Variants in PRMT7 observed in about 807,000 individuals in gnomAD.
The protein encoded by PRMT7 is protein arginine methyltransferase 7.
PRMT7 carries 75 observed loss-of-function variants against 85.4 expected under a neutral mutation model. The observed-to-expected ratio is 0.88, with a 90% CI of 0.73 to 1.06. PRMT7 has a LOEUF of 1.06. Among genes scored for constraint, PRMT7 ranks in the 50% least tolerant of loss-of-function variants. The probability of loss-of-function intolerance (pLI) is 0.00; values close to 1 mark genes in which losing one functional copy is unlikely to be tolerated. For missense variants in PRMT7, 868 were observed against 915.2 expected (o/e 0.95, Z 0.67); for synonymous variants, 397 against 359.5 (o/e 1.10, Z -1.18).
intron 6 of PRMT7, among the ~76,000 whole-genome samples, chr16:68,334,887 C>T (rs763754913): frequency 9.2e-5 from 14 of 152,206 alleles, no homozygotes; most frequent in Non-Finnish European, 8.8e-5. Context: ...ACATCTGCCT[C>T]CCGGGTTCAG....
rs2088787493 is a variant in PRMT7, at chr16:68,357,416, A to G, written c.*192A>G. 1 of 616,436 alleles carries G rather than the reference A, an allele frequency of 1.6e-6. No individual in the cohort carries two copies. The highest frequency in any genetic ancestry group is 2.7e-6 in the Non-Finnish European group (1 of 373,804). The allele number at this position is 616,436 out of a possible 1,614,324, so 38.2% of individuals were successfully genotyped here. A position where few individuals can be genotyped will look rare whatever the true frequency, so the allele number is the denominator to read the frequency against. On this transcript the variant is annotated 3_prime_UTR_variant, in exon 19 of 19. Coordinates refer to ENST00000441236, the MANE Select transcript of PRMT7 (RefSeq NM_019023.5). ...TCTGGCTCCAGCTGTGGCAGGAAGC[A>G]TGAGAGGGTGACTGAATTTGGAGCC...
At position 68,347,254 on chromosome 16, in the gene PRMT7, G is replaced by A. The variant is rs1359039382; in HGVS notation, c.1235G>A (p.Ser412Asn). The A allele has an allele frequency of 6.4e-7, 1 of 1,553,782 alleles. No individual in the cohort carries two copies. The highest frequency in any genetic ancestry group is 8.7e-7 in the Non-Finnish European group (1 of 1,147,732). ...DSVCLCVSDGSLLSVLAHHLG... is the reference protein window; with the variant it reads ...DSVCLCVSDGNLLSVLAHHLG... ...GTGTGCCTGTGTGTCAGCGATGGCAGCCTGCTCTCCGTGCTGGCCCATCAC... is the reference window on the plus strand; with the variant it reads ...GTGTGCCTGTGTGTCAGCGATGGCAACCTGCTCTCCGTGCTGGCCCATCAC... The change falls in exon 12 of 19, where the codon AGC becomes AAC. Residue 412 changes from serine to asparagine, a missense_variant. Coordinates refer to ENST00000441236, the MANE Select transcript of PRMT7 (RefSeq NM_019023.5).
chr16:68,333,039 G>A (rs2084129740), intron 6 of PRMT7, among the ~76,000 whole-genome samples: 2 of 152,058 alleles, frequency 1.3e-5, no homozygotes, highest in African/African-American at 4.8e-5. Flanking sequence ...TGTTGCCTAG[G>A]CTGGAGTACA....
chr16:68,347,251 G>A lies in PRMT7; in HGVS notation c.1232G>A (p.Gly411Asp), dbSNP rs1289900238. ...AGCGTGTGCCTGTGTGTCAGCGATG[G>A]CAGCCTGCTCTCCGTGCTGGCCCAT... ...PDSVCLCVSD[G>D]SLLSVLAHHL... Residue 411 changes from glycine to aspartate, a missense_variant, in exon 12 of 19, where the codon GGC becomes GAC. Gly to Asp is a moderately conservative substitution (Grantham distance 94). Coordinates refer to ENST00000441236, the MANE Select transcript of PRMT7 (RefSeq NM_019023.5). 1.3e-6 allele frequency: 2 copies of A among 1,553,556 alleles called. No individual in the cohort carries two copies. Among genetic ancestry groups the A allele is most frequent in the South Asian group, 2.4e-5 (2 of 84,002 alleles).
chr16:68,333,785 A>AT (rs71382042), intron 6 of PRMT7, among the ~76,000 whole-genome samples: 2 of 151,592 alleles, frequency 1.3e-5, no homozygotes, highest in Non-Finnish European at 2.9e-5. Context: ...AAAAAAAAAA[A>AT]TTTTTTTTAG....
chr16:68,333,401 A>G (rs1025894140), intron 6 of PRMT7, among the ~76,000 whole-genome samples: 6 of 151,888 alleles, frequency 4.0e-5, no homozygotes, highest in Non-Finnish European at 5.9e-5. Context: ...GAATTGCTTG[A>G]ACCTGGGAGG....
At chr16:68,358,956 G>A (rs1346836623), downstream of PRMT7, 3 of 152,746 alleles carry the variant, frequency 2.0e-5, no homozygotes, top group East Asian at 5.7e-4. Context: ...CGGGGGCCTG[G>A]GGGCCGCACA....
At chr16:68,326,389 G>GT in intron 5 of PRMT7, among the ~76,000 whole-genome samples, 1 of 152,152 alleles carries the variant, frequency 6.6e-6, no homozygotes. Flanking sequence ...GGGATTACAG[G>GT]TATGTACCAC....
At chr16:68,351,276 T>C (rs541770499) in intron 14 of PRMT7, 2 of 152,406 alleles carry the variant, frequency 1.3e-5, no homozygotes, top group African/African-American at 4.8e-5. Flanking sequence ...CCTGACTGCT[T>C]GGGCCTGCCC....
At chr16:68,335,436 A>G (rs2151666192) in intron 6 of PRMT7, among the ~76,000 whole-genome samples, 1 of 151,862 alleles carries the variant, frequency 6.6e-6, no homozygotes, top group South Asian at 2.1e-4. Context: ...AGTTTTGGAC[A>G]GTGTATTCCA....
At chr16:68,335,727 G>A (rs961768371) in intron 6 of PRMT7, among the ~76,000 whole-genome samples, 22 of 151,796 alleles carry the variant, frequency 1.4e-4, no homozygotes, top group Admixed American at 9.2e-4. Flanking sequence ...CTCCAGCCTC[G>A]AGCTCGAGGT....
chr16:68,337,522 G>C lies in PRMT7; in HGVS notation c.455G>C (p.Gly152Ala). 6.2e-7 allele frequency: 1 copy of C among 1,611,934 alleles called. No homozygotes were observed. Among genetic ancestry groups the C allele is most frequent in the Non-Finnish European group, 8.5e-7 (1 of 1,178,456 alleles). Residue 152 changes from glycine to alanine, a missense_variant, in exon 7 of 19, where the codon GGG becomes GCG. Physicochemically the swap from Gly to Ala is moderately conservative, Grantham distance 60. Transcript: ENST00000441236. ...VTELFDTELI[G>A]EGALPSYEHA... ...GAGTTGTTTGACACAGAGCTGATCG[G>C]GGAGGGGGCGCTGCCCTCCTATGAG...
chr16:68,341,682 A>T (rs565156797), intron 9 of PRMT7, among the ~76,000 whole-genome samples: 1 of 152,254 alleles, frequency 6.6e-6, no homozygotes, highest in Non-Finnish European at 1.5e-5. Flanking sequence ...TGCTGGGATT[A>T]CAGGCGTGAG....
rs982042039 is a variant in PRMT7 at position 68,357,172 on chromosome 16, C to G, written c.2027C>G (p.Pro676Arg). Residue 676 changes from proline (P) to arginine (R), a missense_variant, in exon 19 of 19, where the codon CCC becomes CGC. Transcript: ENST00000441236. ...RTVSYAVEFHPDTGDIIMEFR... is the reference protein window; with the variant it reads ...RTVSYAVEFHRDTGDIIMEFR... The stretch of plus-strand genomic sequence containing the variant: ...GTCAGCTATGCAGTGGAGTTTCACC[C>G]CGACACAGGCGACATCATCATGGAG... 9 of 1,613,972 alleles carry G rather than the reference C, an allele frequency of 5.6e-6. No individual in the cohort carries two copies. Among genetic ancestry groups the G allele is most frequent in the Middle Eastern group, 3.3e-4 (2 of 6,062 alleles).
intron 5 of PRMT7, among the ~76,000 whole-genome samples, chr16:68,325,216 C>G (rs553901424): frequency 6.6e-6 from 1 of 152,156 alleles, no homozygotes; most frequent in East Asian, 1.9e-4. Context: ...TAAATATTAG[C>G]TGGGCATGGT....
chr16:68,357,214 C>A lies in PRMT7; in HGVS notation c.2069C>A (p.Thr690Asn). 1 of 1,612,016 alleles carries A rather than the reference C, an allele frequency of 6.2e-7. No individual in the cohort carries two copies. Among genetic ancestry groups the A allele is most frequent in the Non-Finnish European group, 8.5e-7 (1 of 1,178,962 alleles). Residue 690 changes from threonine (T) to asparagine (N), a missense_variant, in exon 19 of 19, where the codon ACC becomes AAC. Thr to Asn is a moderately conservative substitution (Grantham distance 65, BLOSUM62 0). Coordinates refer to ENST00000441236, the MANE Select transcript of PRMT7 (RefSeq NM_019023.5). Reference protein sequence around the residue: ...DIIMEFRHADTPD With the variant: ...DIIMEFRHADNPD ...ATCATGGAGTTCAGGCATGCAGATA[C>A]CCCAGACTGACCACTCTTGAGCAAT... is the stretch of plus-strand genomic sequence containing the variant.
rs1037639509 is a variant in PRMT7, at chr16:68,311,050, C to T, written c.-268C>T. 3 of 899,870 alleles carry T rather than the reference C, an allele frequency of 3.3e-6. No homozygotes were observed. Among genetic ancestry groups the T allele is most frequent in the East Asian group, 5.3e-5 (2 of 38,076 alleles). The allele number at this position is 899,870 out of a possible 1,614,324, so 55.7% of individuals were successfully genotyped here. ...GCGAGGTCCCGCCCCGCGTGCTGGC[C>T]GCGGTAAAAGTGGTAGCAGCGGAGG... On this transcript the variant is annotated 5_prime_UTR_variant, in exon 1 of 19. Transcript: ENST00000441236.
chr16:68,357,208 C>T lies in PRMT7; in HGVS notation c.2063C>T (p.Ala688Val). Residue 688 changes from alanine to valine, a missense_variant, in exon 19 of 19, where the codon GCA (alanine) becomes GTA (valine). Physicochemically the swap from Ala to Val is moderately conservative, Grantham distance 64 (BLOSUM62 0). Coordinates refer to ENST00000441236, the MANE Select transcript of PRMT7 (RefSeq NM_019023.5). ...TGDIIMEFRH[A>V]DTPD ...GACATCATCATGGAGTTCAGGCATG[C>T]AGATACCCCAGACTGACCACTCTTG... is the stretch of plus-strand genomic sequence containing the variant. 6.2e-7 allele frequency: 1 copy of T among 1,612,562 alleles called. No homozygotes were observed. Among genetic ancestry groups the T allele is most frequent in the Non-Finnish European group, 8.5e-7 (1 of 1,179,228 alleles).
chr16:68,312,572 C>G (rs1706185706), intron 2 of PRMT7, among the ~76,000 whole-genome samples: 1 of 152,238 alleles, frequency 6.6e-6, no homozygotes, highest in East Asian at 1.9e-4. Flanking sequence ...ACCATCTGCT[C>G]TGCAGTCTGA....
Sources: gnomAD v4.1 joint callset for allele counts (sites outside exome capture counted in the v4.1 genomes callset) on GRCh38, gnomAD v4.1.1 for gene constraint, MANE v1.5 for transcripts, NCBI Gene and HGNC (gene_info 2026-07-23, HGNC 2026-07-21) for gene names.